NKAIN2: variants seen among roughly 807,000 people sequenced by gnomAD.
NKAIN2 encodes the protein sodium/potassium transporting ATPase interacting 2.
Under a neutral mutation model 32.6 loss-of-function variants are expected in NKAIN2, and 14 were observed. The ratio of observed to expected loss-of-function variants is 0.43; its 90% CI spans 0.28 to 0.67. NKAIN2 has a LOEUF of 0.67. Ranked by LOEUF, NKAIN2 falls within the 30% of genes least tolerant of loss-of-function variation. The pLI, the probability that NKAIN2 is intolerant of heterozygous loss-of-function variation, is 0.17. For missense variants in NKAIN2, 198 were observed against 258.3 expected (o/e 0.77, Z 1.60); for synonymous variants, 80 against 87.2 (o/e 0.92, Z 0.46).
chr6:124,135,426 G>A (rs1786714905), intron 1 of NKAIN2, among the ~76,000 whole-genome samples: 1 of 148,010 alleles, frequency 6.8e-6, no homozygotes. Context: ...TAAAGGGGTG[G>A]AAAAAGATAT....
intron 3 of NKAIN2, among the ~76,000 whole-genome samples, chr6:124,515,713 C>CGTTTTTTTTTTTTTTTTTTTTTTTTTT (rs1562232431): frequency 1.5e-5 from 1 of 67,736 alleles, no homozygotes; most frequent in African/African-American, 5.2e-5. Flanking sequence ...TTCGCTTTCT[C>CGTTTTTTTTTTTTTTTTTTTTTTTTTT]TCCGTCTCGC....
At chr6:123,899,718 C>T (rs1215255321) in intron 1 of NKAIN2, among the ~76,000 whole-genome samples, 2 of 152,182 alleles carry the variant, frequency 1.3e-5, no homozygotes, top group Non-Finnish European at 2.9e-5. Flanking sequence ...GCTTCTCTCC[C>T]TCAAGGATGT....
chr6:124,144,795 A>G (rs913898675), intron 1 of NKAIN2, among the ~76,000 whole-genome samples: 6 of 152,178 alleles, frequency 3.9e-5, no homozygotes, highest in African/African-American at 4.8e-5. Context: ...CCTAATTAAA[A>G]AAAGTTTGCT....
intron 3 of NKAIN2, among the ~76,000 whole-genome samples, chr6:124,575,714 T>A (rs781119159): frequency 1.3e-5 from 2 of 152,116 alleles, no homozygotes; most frequent in African/African-American, 4.8e-5. Flanking sequence ...TTGGCTATAT[T>A]TTTTTTCATG....
At chr6:124,634,629 C>T (rs1172849431) in intron 3 of NKAIN2, among the ~76,000 whole-genome samples, 1 of 151,712 alleles carries the variant, frequency 6.6e-6, no homozygotes, top group African/African-American at 2.4e-5. Flanking sequence ...TTTGGGAATT[C>T]TAGAAAAATA....
rs1562466949 is a variant in NKAIN2 at position 124,278,671 on chromosome 6, A to ATATG, written c.55-4331_55-4330insGTAT. ...AGCTCATATATATATATATATATAT[A>ATATG]TATATATATATATATATATGCTATT... On this transcript the variant is annotated intron_variant, in intron 1 of 6. Transcript: ENST00000368417. Among the ~76,000 whole-genome samples the ATATG allele has an allele frequency of 3.3e-5, 4 of 121,770 alleles. No homozygotes were observed. The South Asian group carries it at 9.5e-4, about 29-fold the overall frequency. The allele number at this position is 121,770 out of a possible 152,430, so 79.9% of individuals were successfully genotyped here. A position where few individuals can be genotyped will look rare whatever the true frequency, so the allele number is the denominator to read the frequency against.
chr6:124,710,790 C>T (rs1775404622), intron 4 of NKAIN2, among the ~76,000 whole-genome samples: 1 of 147,228 alleles, frequency 6.8e-6, no homozygotes, highest in Non-Finnish European at 1.5e-5. Context: ...ATCCAATTTG[C>T]CAGTCTGTGT....
intron 1 of NKAIN2, among the ~76,000 whole-genome samples, chr6:124,143,948 A>G (rs1787265130): frequency 6.6e-6 from 1 of 152,190 alleles, no homozygotes; most frequent in African/African-American, 2.4e-5. Flanking sequence ...TATAAAAGAA[A>G]AATTACATCT....
intron 1 of NKAIN2, among the ~76,000 whole-genome samples, chr6:123,919,966 T>C (rs1401516884): frequency 1.3e-5 from 2 of 152,088 alleles, no homozygotes; most frequent in African/African-American, 4.8e-5. Flanking sequence ...TTTTTCAACT[T>C]GCAGCATTAA....
intron 2 of NKAIN2, among the ~76,000 whole-genome samples, chr6:124,333,176 C>T (rs969839099): frequency 5.3e-5 from 8 of 152,196 alleles, no homozygotes; most frequent in African/African-American, 1.9e-4. Flanking sequence ...TAGCACTTGG[C>T]CCTCGTGGCA....
intron 1 of NKAIN2, among the ~76,000 whole-genome samples, chr6:124,113,949 A>G (rs1785497431): frequency 6.6e-6 from 1 of 151,794 alleles, no homozygotes; most frequent in South Asian, 2.1e-4. Context: ...TGCTGACATC[A>G]CTCTGCTACA....
chr6:124,518,290 G>GT, intron 3 of NKAIN2, among the ~76,000 whole-genome samples: 1 of 35,294 alleles, frequency 2.8e-5, no homozygotes, highest in South Asian at 8.4e-4. Flanking sequence ...GCTGATTCTA[G>GT]TTAAAAAAAA....
chr6:124,784,386 A>T (rs1040865405), intron 4 of NKAIN2, among the ~76,000 whole-genome samples: 3 of 152,082 alleles, frequency 2.0e-5, no homozygotes, highest in Admixed American at 2.0e-4. Flanking sequence ...ACTTCCTTCT[A>T]ACCCACCCCC....
intron 1 of NKAIN2, among the ~76,000 whole-genome samples, chr6:124,217,408 G>A (rs972229937): frequency 2.6e-5 from 4 of 151,762 alleles, no homozygotes; most frequent in Non-Finnish European, 5.9e-5. Context: ...TAAATTTTAA[G>A]GTAATGTCTT....
Position 124,033,624 on chromosome 6 carries a change from T to TCACTAAGCGAGCATCCTCC in NKAIN2, c.54+229377_54+229395dup, listed in dbSNP as rs1339051269. On this transcript the variant is annotated intron_variant, in intron 1 of 6. Transcript: ENST00000368417. Reference sequence around the variant, plus strand: ...AGATTGTTGATGGACGATTTCATTCTCACTAAGCGAGCATCCTCCCACTAA... The same window carrying TCACTAAGCGAGCATCCTCC: ...AGATTGTTGATGGACGATTTCATTCTCACTAAGCGAGCATCCTCCCACTAAGCGAGCATCCTCCCACTAA... Among the ~76,000 whole-genome samples the TCACTAAGCGAGCATCCTCC allele has an allele frequency of 2.0e-5, 3 of 152,222 alleles. No individual in the cohort carries two copies. The East Asian group carries it at 5.8e-4, about 29-fold the overall frequency.
intron 1 of NKAIN2, among the ~76,000 whole-genome samples, chr6:123,834,238 T>C (rs988024114): frequency 5.9e-5 from 9 of 152,202 alleles, no homozygotes; most frequent in Non-Finnish European, 7.4e-5. Flanking sequence ...CACTGCCACC[T>C]CTGCCTCCCG....
At chr6:123,942,935 G>T (rs974724582) in intron 1 of NKAIN2, among the ~76,000 whole-genome samples, 8 of 151,912 alleles carry the variant, frequency 5.3e-5, no homozygotes, top group African/African-American at 1.9e-4. Flanking sequence ...CTTACTAAAC[G>T]ATTATTAGGT....
chr6:124,679,390 C>CCAAAAAGTATG (rs1161251402), intron 4 of NKAIN2, among the ~76,000 whole-genome samples: 1 of 152,120 alleles, frequency 6.6e-6, no homozygotes, highest in Non-Finnish European at 1.5e-5. Context: ...GGGCAGCCCT[C>CCAAAAAGTATG]CAAAAAGTAT....
chr6:124,610,473 C>T lies in NKAIN2; in HGVS notation c.274-47713C>T, dbSNP rs554462344. 2.6e-5 allele frequency among the ~76,000 whole-genome samples: 4 copies of T among 152,270 alleles called. No homozygotes were observed. In the South Asian group the frequency reaches 6.2e-4, roughly 24 times the overall value. On this transcript the variant is annotated intron_variant, in intron 3 of 6. Coordinates refer to ENST00000368417, the MANE Select transcript of NKAIN2 (RefSeq NM_001040214.3). ...AATATTTGTCATAGCAAAGGGAGAA[C>T]TAATATCTTTTTCAGAGTGATACTG... is the stretch of plus-strand genomic sequence containing the variant.
Sources: gnomAD v4.1 joint callset for allele counts (sites outside exome capture counted in the v4.1 genomes callset) on GRCh38, gnomAD v4.1.1 for gene constraint, MANE v1.5 for transcripts, NCBI Gene and HGNC (gene_info 2026-07-23, HGNC 2026-07-21) for gene names.